ALDH16A1: variants seen among roughly 807,000 people sequenced by gnomAD.
The protein encoded by ALDH16A1 is aldehyde dehydrogenase 16 family member A1, also known as aldehyde dehydrogenase family 16 member A1.
In ALDH16A1, 88 loss-of-function variants were observed where a neutral mutation model predicts 96.1. The ratio of observed to expected loss-of-function variants is 0.92; its 90% CI spans 0.77 to 1.09. ALDH16A1 has a LOEUF of 1.09. ALDH16A1 is among the 50% of genes least tolerant of loss of function. The pLI, the probability that ALDH16A1 is intolerant of heterozygous loss-of-function variation, is 0.00. For synonymous variants in ALDH16A1, 522 were observed against 496.4 expected (o/e 1.05, Z -0.69); for missense variants, 1,250 against 1,112.6 (o/e 1.12, Z -1.76).
rs2122399662 is a variant in ALDH16A1 at position 49,463,136 on chromosome 19, AC to A, written c.1098+382del. 1.1e-4 allele frequency among the ~76,000 whole-genome samples: 2 copies of A among 17,634 alleles called. 1 individual carries two copies. Among genetic ancestry groups the A allele is most frequent in the South Asian group, 2.7e-3 (2 of 732 alleles). 11.6% of individuals were successfully genotyped at this position (17,634 alleles called of 152,430 possible). ...GAGGGAGGAGGGGCTGGGGGTCCAG[AC>A]TCCTGGGTCTGAGGGAGGAGGGGCT... On this transcript the variant is annotated intron_variant, in intron 8 of 16. Coordinates refer to ENST00000293350, the MANE Select transcript of ALDH16A1 (RefSeq NM_153329.4).
chr19:49,461,467 GGGGGCCT>G lies in ALDH16A1; in HGVS notation c.578-149_578-143del. Reference sequence around the variant, plus strand: ...TCCGGGGTCTGAGGGAGGAGGGGCTGGGGGCCTGGACTCCTGAGTCTGAGGGAGGAGG... The same window carrying G: ...TCCGGGGTCTGAGGGAGGAGGGGCTGGGACTCCTGAGTCTGAGGGAGGAGG... On this transcript the variant is annotated intron_variant, in intron 5 of 16. Coordinates refer to ENST00000293350, the MANE Select transcript of ALDH16A1 (RefSeq NM_153329.4). 1.8e-5 allele frequency: 2 copies of G among 108,210 alleles called. 1 individual carries two copies. Among genetic ancestry groups the G allele is most frequent in the Non-Finnish European group, 3.6e-5 (2 of 55,190 alleles). 6.7% of individuals were successfully genotyped at this position (108,210 alleles called of 1,614,324 possible).
Position 49,465,885 on chromosome 19 carries a change from C to T in ALDH16A1, c.1716C>T (p.Ala572=), listed in dbSNP as rs753029932. The T allele has an allele frequency of 5.6e-6, 9 of 1,613,958 alleles. No homozygotes were observed. The South Asian group carries it at 6.6e-5, about 12-fold the overall frequency. Residue 572 remains alanine (A), a synonymous_variant, in exon 13 of 17, where the codon GCC becomes GCT. Coordinates refer to ENST00000293350, the MANE Select transcript of ALDH16A1 (RefSeq NM_153329.4). ...GAKDIRGAVE[A]AHQAFPGWAG... is the part of the protein sequence containing the mutation. ...AGGACATCCGAGGTGCTGTGGAGGC[C>T]GCTCACCAGGCTTTCCCTGGGTAAG...
In ALDH16A1 at chr19:49,465,745, C is replaced by G. The variant is rs575533058; in HGVS notation, c.1576C>G (p.Pro526Ala). ...TGTCCCACCCTACTCCAGCCCAGCA[C>G]CCCCCTATGGGCTCTTCGTTGGGGG... ...AGPEIGPSPA[P>A]PYGLFVGGRF... Residue 526 changes from proline (P) to alanine (A), a missense_variant, in exon 13 of 17, where the codon CCC becomes GCC. Physicochemically the swap from Pro to Ala is conservative, Grantham distance 27. Transcript: ENST00000293350. 5 of 1,612,454 alleles carry G rather than the reference C, an allele frequency of 3.1e-6. No homozygotes were observed. In the African/African-American group the frequency reaches 4.0e-5, roughly 13 times the overall value.
Position 49,464,645 on chromosome 19 carries a change from A to G in ALDH16A1, c.1451A>G (p.Tyr484Cys). Residue 484 changes from tyrosine (Y) to cysteine (C), a missense_variant, in exon 12 of 17, where the codon TAT becomes TGT. Coordinates refer to ENST00000293350, the MANE Select transcript of ALDH16A1 (RefSeq NM_153329.4). The stretch of plus-strand genomic sequence containing the variant: ...TCCCTCTCACAGGGGCTGTATGAGT[A>G]TCTGCGGCCCTCAGGGACCCCTGCC... ...WHGGPDGLYE[Y>C]LRPSGTPARL... is the part of the protein sequence containing the mutation. 1.9e-6 allele frequency: 3 copies of G among 1,614,034 alleles called. No homozygotes were observed. The highest frequency in any genetic ancestry group is 2.5e-6 in the Non-Finnish European group (3 of 1,180,004).
chr19:49,470,324 T>G lies in ALDH16A1; in HGVS notation c.2266T>G (p.Trp756Gly), dbSNP rs767907843. 6.2e-7 allele frequency: 1 copy of G among 1,613,306 alleles called. No homozygotes were observed. Among genetic ancestry groups the G allele is most frequent in the Non-Finnish European group, 8.5e-7 (1 of 1,179,802 alleles). Residue 756 changes from tryptophan (W) to glycine (G), a missense_variant, in exon 17 of 17, where the codon TGG becomes GGG. Physicochemically the swap from Trp to Gly is radical, Grantham distance 184. Transcript: ENST00000293350. ...CCCTCAGGGTTCCCAGTTTGTCGAG[T>G]GGGCCTCGGCAGGAAACCTCAAACC... ...GSAQGSQFVE[W>G]ASAGNLKPVW...
At chr19:49,455,888 A>G (rs932711622) in intron 1 of ALDH16A1, among the ~76,000 whole-genome samples, 1 of 149,896 alleles carries the variant, frequency 6.7e-6, no homozygotes, top group Non-Finnish European at 1.5e-5. Context: ...CGTGAACTTT[A>G]TTTTTTTTTT....
rs180723300 is a variant in ALDH16A1 at position 49,464,274 on chromosome 19, G to A, written c.1331+11G>A. On this transcript the variant is annotated intron_variant, in intron 10 of 16. Transcript: ENST00000293350. ...GGAGCTGGGCTATGGGTCAGTCTGC[G>A]TGGCCCGGGCGCTCACTCCTCTCCT... 244 of 1,599,936 alleles carry A rather than the reference G, an allele frequency of 1.5e-4. 1 individual carries two copies. Among genetic ancestry groups the A allele is most frequent in the African/African-American group, 1.2e-3 (88 of 74,968 alleles).
intron 8 of ALDH16A1, 86 bp downstream of exon 8, chr19:49,462,841 G>A: frequency 7.6e-7 from 1 of 1,321,374 alleles, no homozygotes; most frequent in East Asian, 2.8e-5. Context: ...GAGGGAGCTG[G>A]GCGTGGACAA....
rs2079198124 is a variant in ALDH16A1, at chr19:49,466,266, C to T, written c.1921C>T (p.Gln641Ter). 3 of 1,463,492 alleles carry T rather than the reference C, an allele frequency of 2.0e-6. No homozygotes were observed. Among genetic ancestry groups the T allele is most frequent in the Non-Finnish European group, 1.8e-6 (2 of 1,107,672 alleles). The allele number at this position is 1,463,492 out of a possible 1,614,324, so 90.7% of individuals were successfully genotyped here. A position where few individuals can be genotyped will look rare whatever the true frequency, so the allele number is the denominator to read the frequency against. The change falls in exon 14 of 17, where the codon CAA (glutamine) becomes TAA (stop). Residue 641 changes from glutamine to a stop codon, truncating the protein, a stop_gained. Transcript: ENST00000293350. LOFTEE classifies it high-confidence loss of function. ...LRAWGARVQAQGHTLQVAGLR... is the reference protein window; with the variant it reads ...LRAWGARVQA ...GGCGTGGGGGGCCCGGGTGCAGGCC[C>T]AAGGCCACACCCTGCAGGTGAAGGG...
chr19:49,460,862 T>C lies in ALDH16A1; in HGVS notation c.540T>C (p.Leu180=). The change falls in exon 5 of 17, where the codon CTT becomes CTC. Residue 180 remains leucine (L), a synonymous_variant. Transcript: ENST00000293350. The part of the protein sequence containing the change: ...GLILPPTFSF[L]EMMWRICPAL... ...TCCTGCCACCCACATTCTCCTTCCTTGAGATGATGTGGAGGATTTGCCCTG... is the reference window on the plus strand; with the variant it reads ...TCCTGCCACCCACATTCTCCTTCCTCGAGATGATGTGGAGGATTTGCCCTG... 6.2e-7 allele frequency: 1 copy of C among 1,601,662 alleles called. No individual in the cohort carries two copies. The highest frequency in any genetic ancestry group is 2.2e-5 in the East Asian group (1 of 44,562).
At chr19:49,465,046 G>A (rs1436209644) in intron 12 of ALDH16A1, among the ~76,000 whole-genome samples, 1 of 152,124 alleles carries the variant, frequency 6.6e-6, no homozygotes, top group Non-Finnish European at 1.5e-5. Context: ...GAGGCTCATG[G>A]GAGCAGGAGC....
chr19:49,460,100 G>A (rs2122379622), intron 4 of ALDH16A1, among the ~76,000 whole-genome samples: 1 of 151,780 alleles, frequency 6.6e-6, no homozygotes, highest in Non-Finnish European at 1.5e-5. Flanking sequence ...TATTAGAGAA[G>A]AGGGGTCTCA....
rs773501068 is a variant in ALDH16A1 at position 49,459,717 on chromosome 19, A to C, written c.368A>C (p.Glu123Ala). Residue 123 changes from glutamate to alanine, a missense_variant, in exon 4 of 17, where the codon GAA becomes GCA. Physicochemically the swap from Glu to Ala is moderately radical, Grantham distance 107 (BLOSUM62 -1). Coordinates refer to ENST00000293350, the MANE Select transcript of ALDH16A1 (RefSeq NM_153329.4). The surrounding 1 kb of genome is among the most constrained non-coding windows in gnomAD (Gnocchi z 4.1). The stretch of plus-strand genomic sequence containing the variant: ...CACCAGCGGCTGCTGTGGACCCTGG[A>C]ATCCCTGGTGACTGGGCGGGCTGTT... ...QKHQRLLWTL[E>A]SLVTGRAVRE... 6.2e-7 allele frequency: 1 copy of C among 1,612,956 alleles called. No homozygotes were observed. The highest frequency in any genetic ancestry group is 8.5e-7 in the Non-Finnish European group (1 of 1,179,650).
Position 49,462,712 on chromosome 19 carries a change from T to C in ALDH16A1, c.1055T>C (p.Leu352Pro), listed in dbSNP as rs764015652. The C allele has an allele frequency of 6.2e-7, 1 of 1,606,340 alleles. No individual in the cohort carries two copies. The highest frequency in any genetic ancestry group is 8.5e-7 in the Non-Finnish European group (1 of 1,177,344). Reference protein sequence around the residue: ...MGARGAAACDLVQRFVREAQS... With the variant: ...MGARGAAACDPVQRFVREAQS... The stretch of plus-strand genomic sequence containing the variant: ...GCCCGGGGGGCTGCCGCATGTGACC[T>C]GGTCCAGCGCTTTGTGCGTGAGGCC... Residue 352 changes from leucine to proline, a missense_variant, in exon 8 of 17, where the codon CTG (leucine) becomes CCG (proline). By Grantham distance (98) the Leu-to-Pro change is moderately conservative. Coordinates refer to ENST00000293350, the MANE Select transcript of ALDH16A1 (RefSeq NM_153329.4).
At chr19:49,467,396 C>A (rs976379575) in intron 14 of ALDH16A1, among the ~76,000 whole-genome samples, 1 of 131,170 alleles carries the variant, frequency 7.6e-6, no homozygotes, top group African/African-American at 3.0e-5. Context: ...TTCTTTCTTT[C>A]TTTTTTTTTT....
chr19:49,456,075 A>C (rs893072811), intron 1 of ALDH16A1, among the ~76,000 whole-genome samples: 3 of 152,132 alleles, frequency 2.0e-5, no homozygotes, highest in Non-Finnish European at 2.9e-5. Context: ...CCCTCTTCTC[A>C]GGCCTCCTGG....
In ALDH16A1 at chr19:49,458,974, A is replaced by T; in HGVS notation, c.208A>T (p.Ser70Cys). ...TTTCTCCCCAGGAGAGAACTTGGCC[A>T]GTTGCCTGCAGGCACAGGCCGAGGA... Reference protein sequence around the residue: ...QDPITGENLASCLQAQAEDVA... With the variant: ...QDPITGENLACCLQAQAEDVA... Residue 70 changes from serine (S) to cysteine (C), a missense_variant, in exon 3 of 17, where the codon AGT (serine) becomes TGT (cysteine). By Grantham distance (112) the Ser-to-Cys change is moderately radical (BLOSUM62 -1). Coordinates refer to ENST00000293350, the MANE Select transcript of ALDH16A1 (RefSeq NM_153329.4). 1 of 1,613,096 alleles carries T rather than the reference A, an allele frequency of 6.2e-7. No homozygotes were observed. Among genetic ancestry groups the T allele is most frequent in the Non-Finnish European group, 8.5e-7 (1 of 1,179,632 alleles).
At position 49,461,539 on chromosome 19, in the gene ALDH16A1, T is replaced by TG. The variant is rs563860948; in HGVS notation, c.578-75dup. The TG allele has an allele frequency of 1.3e-3, 299 of 224,542 alleles. 114 individuals are homozygous for TG. The highest frequency in any genetic ancestry group is 2.1e-3 in the Non-Finnish European group (284 of 134,872). 13.9% of individuals were successfully genotyped at this position (224,542 alleles called of 1,614,324 possible). ...CTCCTGGGTCTGAGGGAGGAGGGGC[T>TG]GGGGGTCCAGATTCCTGGGTCTGAG... On this transcript the variant is annotated intron_variant, in intron 5 of 16. Coordinates refer to ENST00000293350, the MANE Select transcript of ALDH16A1 (RefSeq NM_153329.4).
intron 1 of ALDH16A1, among the ~76,000 whole-genome samples, chr19:49,457,914 G>A (rs1321586246): frequency 6.6e-6 from 1 of 152,106 alleles, no homozygotes; most frequent in Admixed American, 6.6e-5. Flanking sequence ...CAAGGACTCA[G>A]TTGAGACCCT....
Sources: allele counts gnomAD v4.1 joint callset (sites outside exome capture counted in the v4.1 genomes callset), GRCh38; gene constraint gnomAD v4.1.1; non-coding constraint Gnocchi (gnomAD v3.1); transcripts MANE v1.5; gene names NCBI Gene and HGNC (gene_info 2026-07-23, HGNC 2026-07-21).